Variants in NOD2 observed in about 807,000 individuals in gnomAD.
The protein encoded by NOD2 is nucleotide binding oligomerization domain containing 2.
In NOD2, 86 loss-of-function variants were observed where a neutral mutation model predicts 90.9. The observed-to-expected ratio is 0.95, with a 90% CI of 0.79 to 1.13. The LOEUF is 1.13. NOD2 is among the 50% of genes most tolerant of loss of function. The pLI, the probability that NOD2 is intolerant of heterozygous loss-of-function variation, is 0.00. For missense variants in NOD2, 1,238 were observed against 1,283.8 expected (o/e 0.96, Z 0.55); for synonymous variants, 581 against 554.6 (o/e 1.05, Z -0.67).
At chr16:50,712,447 G>T in intron 4 of NOD2, 74 bp downstream of exon 4, 1 of 1,591,084 alleles carries the variant, frequency 6.3e-7, no homozygotes. Context: ...CACCGAGCTG[G>T]GCTCTAGAAG....
chr16:50,715,246 A>G (rs1296716386), intron 4 of NOD2, among the ~76,000 whole-genome samples: 3 of 152,040 alleles, frequency 2.0e-5, no homozygotes, highest in Admixed American at 1.3e-4. Flanking sequence ...GCTCATAATA[A>G]TGGTTCCCAT....
rs1412283782 is a variant in NOD2 at position 50,712,077 on chromosome 16, C to A, written c.2085C>A (p.Ile695=). Residue 695 remains isoleucine (I), a synonymous_variant, in exon 4 of 12, where the codon ATC becomes ATA. Coordinates refer to ENST00000647318, the MANE Select transcript of NOD2 (RefSeq NM_001370466.1). ...ARSLRKHFHS[I]PPAAPGEAKS... ...GCCTCCGCAAGCACTTCCACTCCAT[C>A]CCGCCAGCTGCACCGGGTGAGGCCA... is the stretch of plus-strand genomic sequence containing the variant. 1.2e-6 allele frequency: 2 copies of A among 1,613,668 alleles called. No homozygotes were observed.
In NOD2 at chr16:50,699,786, C is replaced by A; in HGVS notation, c.291C>A (p.Asp97Glu). Residue 97 changes from aspartate to glutamate, a missense_variant, in exon 2 of 12, where the codon GAC becomes GAA. This residue lies in a region of NOD2 where 567 missense variants were observed against 577.3 expected (regional missense o/e 0.98). Coordinates refer to ENST00000647318, the MANE Select transcript of NOD2 (RefSeq NM_001370466.1). ...SQSPKLHGCW[D>E]PHSLHPARDL... ...CCCCCAAGCTGCATGGCTGCTGGGA[C>A]CCCCACTCGCTCCACCCAGCCCGAG... 1.9e-6 allele frequency: 3 copies of A among 1,613,686 alleles called. No homozygotes were observed. Among genetic ancestry groups the A allele is most frequent in the South Asian group, 1.1e-5 (1 of 91,080 alleles).
chr16:50,720,151 G>A (rs943362332), intron 7 of NOD2, 143 bp downstream of exon 7: 19 of 696,766 alleles, frequency 2.7e-5, no homozygotes, highest in African/African-American at 1.8e-4. Flanking sequence ...GAGAGTGGGC[G>A]GCCCTTGACT....
rs764277453 is a variant in NOD2 at position 50,711,739 on chromosome 16, T to G, written c.1747T>G (p.Phe583Val). 6.2e-7 allele frequency: 1 copy of G among 1,614,212 alleles called. No individual in the cohort carries two copies. Among genetic ancestry groups the G allele is most frequent in the Non-Finnish European group, 8.5e-7 (1 of 1,180,046 alleles). Reference sequence around the variant, plus strand: ...CCTTCACATCACTTTCCAGTGCTTCTTTGCCGCGTTCTACCTGGCACTCAG... The same window carrying G: ...CCTTCACATCACTTTCCAGTGCTTCGTTGCCGCGTTCTACCTGGCACTCAG... ...EFLHITFQCFFAAFYLALSAD... is the reference protein window; with the variant it reads ...EFLHITFQCFVAAFYLALSAD... The change falls in exon 4 of 12, where the codon TTT becomes GTT. Residue 583 changes from phenylalanine to valine, a missense_variant. Phe to Val is a conservative substitution (Grantham distance 50). Transcript: ENST00000647318.
At chr16:50,717,892 A>G (rs1397621412) in intron 6 of NOD2, among the ~76,000 whole-genome samples, 4 of 152,208 alleles carry the variant, frequency 2.6e-5, no homozygotes, top group Admixed American at 2.6e-4. Flanking sequence ...TGCAGGAGAG[A>G]TGTTCTAAGA....
At chr16:50,710,118 C>T in intron 3 of NOD2, 1 of 429,208 alleles carries the variant, frequency 2.3e-6, no homozygotes, top group African/African-American at 2.0e-5. Context: ...TTATCCAAAG[C>T]CACCCGGCCA....
At chr16:50,703,594 G>T (rs561960993) in intron 2 of NOD2, among the ~76,000 whole-genome samples, 1 of 150,550 alleles carries the variant, frequency 6.6e-6, no homozygotes, top group Non-Finnish European at 1.5e-5. Flanking sequence ...AGCCGAGATC[G>T]CACTGCTTGA....
Position 50,711,204 on chromosome 16 carries a change from G to T in NOD2, c.1212G>T (p.Ser404=), listed in dbSNP as rs145834617. ...KVVTSRPAAV[S]AFLRKYIRTE... ...TGACCAGCCGTCCGGCCGCTGTGTC[G>T]GCGTTCCTCAGGAAGTACATCCGCA... Residue 404 remains serine (S), a synonymous_variant, in exon 4 of 12, where the codon TCG becomes TCT. Coordinates refer to ENST00000647318, the MANE Select transcript of NOD2 (RefSeq NM_001370466.1). 90 of 1,613,884 alleles carry T rather than the reference G, an allele frequency of 5.6e-5. No individual in the cohort carries two copies. The highest frequency in any genetic ancestry group is 7.2e-5 in the Non-Finnish European group (85 of 1,180,050).
At chr16:50,703,831 C>T (rs532428915) in intron 2 of NOD2, among the ~76,000 whole-genome samples, 25 of 152,194 alleles carry the variant, frequency 1.6e-4, no homozygotes, top group East Asian at 3.9e-4. Context: ...GGAAGTCAGT[C>T]GGCAATGCCA....
At position 50,729,854 on chromosome 16, in the gene NOD2, A is replaced by T. The variant is rs1486037435; in HGVS notation, c.2922A>T (p.Glu974Asp). The T allele has an allele frequency of 6.2e-7, 1 of 1,613,170 alleles. No individual in the cohort carries two copies. The highest frequency in any genetic ancestry group is 1.1e-5 in the South Asian group (1 of 91,062). ...SNNCITYLGAEALLQALERND... is the reference protein window; with the variant it reads ...SNNCITYLGADALLQALERND... ...ACTGCATCACCTACCTAGGGGCAGA[A>T]GCCCTCCTGCAGGCCCTTGAAAGGA... The change falls in exon 11 of 12, where the codon GAA becomes GAT. Residue 974 changes from glutamate (E) to aspartate (D), a missense_variant. This residue lies in a region of NOD2 where 667 missense variants were observed against 688.7 expected (regional missense o/e 0.97). Transcript: ENST00000647318.
At chr16:50,709,307 T>C (rs1226841185) in intron 3 of NOD2, among the ~76,000 whole-genome samples, 1 of 152,112 alleles carries the variant, frequency 6.6e-6, no homozygotes, top group Non-Finnish European at 1.5e-5. Context: ...AGCTCAGAGC[T>C]CTATGAAAAT....
intron 6 of NOD2, among the ~76,000 whole-genome samples, chr16:50,719,414 C>T (rs1964940345): frequency 6.6e-6 from 1 of 152,136 alleles, no homozygotes; most frequent in Non-Finnish European, 1.5e-5. Flanking sequence ...GGATCTTCCC[C>T]CACCCCTAGC....
At chr16:50,699,381 C>T in intron 1 of NOD2, 107 bp from the exon 2 acceptor site, 1 of 892,088 alleles carries the variant, frequency 1.1e-6, no homozygotes, top group Non-Finnish European at 1.9e-6. Context: ...GAGGCTAGAA[C>T]CATGGCCAAC....
At chr16:50,729,496 G>A (rs369291258) in intron 10 of NOD2, among the ~76,000 whole-genome samples, 1 of 152,178 alleles carries the variant, frequency 6.6e-6, no homozygotes, top group Non-Finnish European at 1.5e-5. Flanking sequence ...TAATTTGCTC[G>A]AGATCAAAAA....
chr16:50,723,575 A>G (rs773532930), intron 9 of NOD2, among the ~76,000 whole-genome samples, 191 bp downstream of exon 9: 3 of 152,170 alleles, frequency 2.0e-5, no homozygotes, highest in Non-Finnish European at 2.9e-5. Context: ...TGTACATGCT[A>G]ATTTTTTTAT....
At position 50,699,786 on chromosome 16, in the gene NOD2, C is replaced by T. The variant is rs753579507; in HGVS notation, c.291C>T (p.Asp97=). 3 of 1,613,686 alleles carry T rather than the reference C, an allele frequency of 1.9e-6. No individual in the cohort carries two copies. The highest frequency in any genetic ancestry group is 1.1e-5 in the South Asian group (1 of 91,080). ...SQSPKLHGCW[D]PHSLHPARDL... ...CCCCCAAGCTGCATGGCTGCTGGGA[C>T]CCCCACTCGCTCCACCCAGCCCGAG... The change falls in exon 2 of 12, where the codon GAC becomes GAT. Residue 97 remains aspartate (D), a synonymous_variant. Coordinates refer to ENST00000647318, the MANE Select transcript of NOD2 (RefSeq NM_001370466.1).
At chr16:50,724,067 T>C (rs539496212) in intron 9 of NOD2, among the ~76,000 whole-genome samples, 1 of 152,368 alleles carries the variant, frequency 6.6e-6, no homozygotes, top group South Asian at 2.1e-4. Flanking sequence ...CTTATACTGT[T>C]GACCTGAAGC....
At chr16:50,719,862 C>A in intron 6 of NOD2, 63 bp from the exon 7 acceptor site, 1 of 1,460,290 alleles carries the variant, frequency 6.8e-7, no homozygotes, top group Non-Finnish European at 9.6e-7. Context: ...GGCCAGGGCA[C>A]AGACGGCCCT....
Sources: gnomAD v4.1 joint callset for allele counts (sites outside exome capture counted in the v4.1 genomes callset) on GRCh38, gnomAD v4.1.1 for gene constraint, gnomAD v4.1.1 regional missense constraint, MANE v1.5 for transcripts, NCBI Gene and HGNC (gene_info 2026-07-23, HGNC 2026-07-21) for gene names.